FSTL5: variants seen among roughly 807,000 people sequenced by gnomAD.
The protein encoded by FSTL5 is follistatin-related protein 5.
In FSTL5, 62 loss-of-function variants were observed where a neutral mutation model predicts 89.1. The ratio of observed to expected loss-of-function variants is 0.70; its 90% CI spans 0.57 to 0.86. The LOEUF (loss-of-function observed/expected upper bound fraction) is 0.86, where lower values mean the gene tolerates loss of function less well. FSTL5 is among the 40% of genes least tolerant of loss of function. The pLI, the probability that FSTL5 is intolerant of heterozygous loss-of-function variation, is 0.00. For missense variants in FSTL5, 1,057 were observed against 1,001.6 expected, an observed-to-expected ratio of 1.06 and a Z score of -0.75; for synonymous variants, 383 against 346.2, an observed-to-expected ratio of 1.11 and a Z score of -1.18.
intron 15 of FSTL5, among the ~76,000 whole-genome samples, chr4:161,403,717 C>G (rs1332445567): frequency 6.6e-6 from 1 of 152,110 alleles, no homozygotes; most frequent in East Asian, 1.9e-4. Flanking sequence ...ATGGTTAAAG[C>G]AAAAGCACAT....
intron 7 of FSTL5, among the ~76,000 whole-genome samples, chr4:161,620,794 A>G (rs1398711472): frequency 3.3e-5 from 5 of 152,218 alleles, no homozygotes; most frequent in Non-Finnish European, 5.9e-5. Flanking sequence ...GTAAATATAA[A>G]TGATCAATAT....
At chr4:161,767,263 A>G (rs1032076243) in intron 5 of FSTL5, among the ~76,000 whole-genome samples, 1 of 152,178 alleles carries the variant, frequency 6.6e-6, no homozygotes, top group East Asian at 1.9e-4. Flanking sequence ...GGTCTGTTTT[A>G]GTCATAATCT....
intron 2 of FSTL5, among the ~76,000 whole-genome samples, chr4:162,084,868 C>A (rs1333979366): frequency 6.6e-6 from 1 of 151,946 alleles, no homozygotes; most frequent in African/African-American, 2.4e-5. Context: ...CAGGTGTATA[C>A]CTATGTAACA....
At position 162,124,322 on chromosome 4, in the gene FSTL5, C is replaced by T. The variant is rs572869292; in HGVS notation, c.-16-12910G>A. ...TAAAAAATTTAGTAGTATCATCCAA[C>T]CCATTTATGGCCTGCTTCAGAACCC... On this transcript the variant is annotated intron_variant, in intron 1 of 15. Transcript: ENST00000306100. Among the ~76,000 whole-genome samples the T allele has an allele frequency of 7.9e-4, 121 of 152,278 alleles. 1 individual carries two copies. The highest frequency in any genetic ancestry group is 2.9e-3 in the African/African-American group (119 of 41,554).
At chr4:162,057,830 GCT>G (rs1738596207) in intron 2 of FSTL5, among the ~76,000 whole-genome samples, 1 of 152,090 alleles carries the variant, frequency 6.6e-6, no homozygotes, top group Non-Finnish European at 1.5e-5. Flanking sequence ...TGTAGTCCCA[GCT>G]ATTTGGGAGG....
intron 3 of FSTL5, among the ~76,000 whole-genome samples, chr4:161,964,229 G>T (rs2110989146): frequency 6.6e-6 from 1 of 152,042 alleles, no homozygotes; most frequent in South Asian, 2.1e-4. Context: ...GCAGTCATCT[G>T]CCTGAGGTGG....
At chr4:162,081,317 G>A (rs993460048) in intron 2 of FSTL5, among the ~76,000 whole-genome samples, 2 of 151,482 alleles carry the variant, frequency 1.3e-5, no homozygotes, top group Non-Finnish European at 3.0e-5. Context: ...GGCGTTCAAG[G>A]GGCACTAGGG....
chr4:161,638,302 G>T (rs1278629994), intron 7 of FSTL5, among the ~76,000 whole-genome samples: 1 of 151,524 alleles, frequency 6.6e-6, no homozygotes, highest in Non-Finnish European at 1.5e-5. Flanking sequence ...TGTGATTTTT[G>T]TACATTGATT....
At chr4:161,531,913 A>C (rs370655499) in intron 10 of FSTL5, among the ~76,000 whole-genome samples, 16 of 152,162 alleles carry the variant, frequency 1.1e-4, no homozygotes, top group East Asian at 7.7e-4. Context: ...ATAAGAAATT[A>C]TTTTTAGAGG....
At chr4:161,436,290 C>T (rs958966162) in intron 15 of FSTL5, among the ~76,000 whole-genome samples, 17 of 152,146 alleles carry the variant, frequency 1.1e-4, no homozygotes, top group African/African-American at 4.1e-4. Flanking sequence ...TTTTCTTCCT[C>T]CCTTTCTCAG....
At chr4:161,997,363 G>A (rs1179889993) in intron 3 of FSTL5, among the ~76,000 whole-genome samples, 7 of 152,140 alleles carry the variant, frequency 4.6e-5, no homozygotes, top group African/African-American at 1.7e-4. Flanking sequence ...AATTGAGGAG[G>A]AAACATGAGA....
In FSTL5 at chr4:161,901,807, C is replaced by T. The variant is rs1014530638; in HGVS notation, c.409+18597G>A. On this transcript the variant is annotated intron_variant, in intron 4 of 15. Transcript: ENST00000306100. ...AAAATTAGCCGGGCGTGGTGGGGTGCGCCTGTAGTCCCAGCTACTCGGGAG... is the reference window on the plus strand; with the variant it reads ...AAAATTAGCCGGGCGTGGTGGGGTGTGCCTGTAGTCCCAGCTACTCGGGAG... Among the ~76,000 whole-genome samples the T allele has an allele frequency of 3.3e-5, 5 of 152,072 alleles. No homozygotes were observed. The East Asian group carries it at 7.8e-4, about 24-fold the overall frequency.
At chr4:161,620,916 G>T (rs2126645811) in intron 7 of FSTL5, among the ~76,000 whole-genome samples, 1 of 152,144 alleles carries the variant, frequency 6.6e-6, no homozygotes, top group Non-Finnish European at 1.5e-5. Context: ...GAACCTCAGG[G>T]AGAAATAGAT....
At chr4:161,486,047 G>C (rs1317413102) in intron 12 of FSTL5, among the ~76,000 whole-genome samples, 1 of 151,360 alleles carries the variant, frequency 6.6e-6, no homozygotes, top group Non-Finnish European at 1.5e-5. Flanking sequence ...AGGAGGCTGA[G>C]GCAGGAGAAT....
intron 1 of FSTL5, among the ~76,000 whole-genome samples, chr4:162,121,253 C>A (rs911072681): frequency 5.1e-5 from 7 of 137,976 alleles, no homozygotes; most frequent in African/African-American, 1.8e-4. Flanking sequence ...TAAAACTTAG[C>A]CAAGGAAATT....
intron 5 of FSTL5, among the ~76,000 whole-genome samples, chr4:161,761,476 C>T (rs570647549): frequency 2.0e-5 from 3 of 152,290 alleles, no homozygotes; most frequent in Admixed American, 6.5e-5. Flanking sequence ...TTTATTCAGA[C>T]ATTTTAATGA....
At chr4:161,932,741 T>C (rs1290852588) in intron 3 of FSTL5, among the ~76,000 whole-genome samples, 1 of 151,954 alleles carries the variant, frequency 6.6e-6, no homozygotes, top group Admixed American at 6.6e-5. Flanking sequence ...TTATGTCTTT[T>C]GCAAATTTGA....
At chr4:161,822,099 A>AT (rs886086334) in intron 4 of FSTL5, among the ~76,000 whole-genome samples, 243 of 147,568 alleles carry the variant, frequency 1.6e-3, no homozygotes, top group African/African-American at 2.6e-3. Flanking sequence ...AACATCTACT[A>AT]TTTTTTTTTT....
At chr4:162,008,746 G>T (rs953067187) in intron 3 of FSTL5, among the ~76,000 whole-genome samples, 1 of 151,828 alleles carries the variant, frequency 6.6e-6, no homozygotes, top group African/African-American at 2.4e-5. Flanking sequence ...TAGCATAAAT[G>T]ACTTTAGGCC....
Sources: gnomAD v4.1 joint callset for allele counts (sites outside exome capture counted in the v4.1 genomes callset) on GRCh38, gnomAD v4.1.1 for gene constraint, MANE v1.5 for transcripts, NCBI Gene and HGNC (gene_info 2026-07-23, HGNC 2026-07-21) for gene names.